The following BACE1 variants were observed in gnomAD, a reference collection of about 807,000 sequenced individuals.
BACE1 encodes the protein beta-secretase 1.
A neutral mutation model predicts 54.0 loss-of-function variants in BACE1; 21 were observed. The observed-to-expected ratio is 0.39, with a 90% CI of 0.28 to 0.56. BACE1 has a LOEUF of 0.56. Ranked by LOEUF, BACE1 falls within the 20% of genes least tolerant of loss-of-function variation. The probability of loss-of-function intolerance (pLI) is 0.63; values close to 1 mark genes in which losing one functional copy is unlikely to be tolerated. For missense variants in BACE1, 511 were observed against 661.2 expected, an observed-to-expected ratio of 0.77 and a Z score of 2.49; for synonymous variants, 232 against 260.9, an observed-to-expected ratio of 0.89 and a Z score of 1.07.
intron 2 of BACE1, chr11:117,295,561 T>A: frequency 1.3e-6 from 2 of 1,535,648 alleles, no homozygotes; most frequent in East Asian, 4.9e-5. Context: ...TGAGGCTTGC[T>A]CTCCTATCTA....
chr11:117,310,975 C>T (rs1048101695), intron 1 of BACE1, among the ~76,000 whole-genome samples: 3 of 142,050 alleles, frequency 2.1e-5, no homozygotes, highest in East Asian at 2.2e-4. Flanking sequence ...TGATAAAGAC[C>T]TTTTTTTTTT....
chr11:117,314,937 G>A (rs1199522651), intron 1 of BACE1, among the ~76,000 whole-genome samples: 1 of 152,160 alleles, frequency 6.6e-6, no homozygotes, highest in Non-Finnish European at 1.5e-5. Flanking sequence ...GACCGCGAGA[G>A]GGAGAAGGGG....
Position 117,293,550 on chromosome 11 carries a change from ATAAATAGACAAACTT to A in BACE1, c.705+306_705+320del. 2 of 273,298 alleles carry A rather than the reference ATAAATAGACAAACTT, an allele frequency of 7.3e-6. No homozygotes were observed. Among genetic ancestry groups the A allele is most frequent in the East Asian group, 1.5e-4 (2 of 13,748 alleles). The allele number at this position is 273,298 out of a possible 1,614,324, so 16.9% of individuals were successfully genotyped here. A position where few individuals can be genotyped will look rare whatever the true frequency, so the allele number is the denominator to read the frequency against. Reference sequence around the variant, plus strand: ...CATTCACCATTGTTCTAATTAATTAATAAATAGACAAACTTCTTATATCTCTGCCTTCTGACCATC... The same window carrying A: ...CATTCACCATTGTTCTAATTAATTAACTTATATCTCTGCCTTCTGACCATC... On this transcript the variant is annotated intron_variant, in intron 4 of 8. Coordinates refer to ENST00000313005, the MANE Select transcript of BACE1 (RefSeq NM_012104.6). This position sits in a 1 kb window ranked among gnomAD's most constrained non-coding sequence, Gnocchi z 4.1.
At chr11:117,314,962 G>A (rs1056596601) in intron 1 of BACE1, among the ~76,000 whole-genome samples, 2 of 152,136 alleles carry the variant, frequency 1.3e-5, no homozygotes, top group Non-Finnish European at 2.9e-5. Flanking sequence ...GGAGGGGACG[G>A]CAGGAGCCTG....
chr11:117,294,652 G>C (rs2034549986), intron 3 of BACE1, among the ~76,000 whole-genome samples: 2 of 151,846 alleles, frequency 1.3e-5, no homozygotes. Context: ...GGAAGGCCGA[G>C]GTGAGCGGAT....
In BACE1 at chr11:117,315,973, C is replaced by G; in HGVS notation, c.-178G>C. ...CCGGGTCCGGGCTGTGGAGAGCGGT[C>G]AGGGGAGATCCGCAGAGCACGGGAG... is the stretch of plus-strand genomic sequence containing the variant. On this transcript the variant is annotated 5_prime_UTR_variant, in exon 1 of 9. Coordinates refer to ENST00000313005, the MANE Select transcript of BACE1 (RefSeq NM_012104.6). The surrounding 1 kb of genome is among the most constrained non-coding windows in gnomAD (Gnocchi z 5.5). 1.8e-6 allele frequency: 1 copy of G among 567,430 alleles called. No individual in the cohort carries two copies. 35.1% of individuals were successfully genotyped at this position (567,430 alleles called of 1,614,324 possible).
rs182977577 is a variant in BACE1 at position 117,295,659 on chromosome 11, G to C, written c.351-312C>G. 1.2e-5 allele frequency: 19 copies of C among 1,524,954 alleles called. No individual in the cohort carries two copies. In the East Asian group the frequency reaches 4.4e-4, roughly 36 times the overall value. The allele number at this position is 1,524,954 out of a possible 1,614,324, so 94.5% of individuals were successfully genotyped here. A position where few individuals can be genotyped will look rare whatever the true frequency, so the allele number is the denominator to read the frequency against. Reference sequence around the variant, plus strand: ...TGTGCCTGCTGCTGCTGCTGCTGCAGGGACAGCTAGTGGGCATCTCTTCCG... The same window carrying C: ...TGTGCCTGCTGCTGCTGCTGCTGCACGGACAGCTAGTGGGCATCTCTTCCG... On this transcript the variant is annotated intron_variant, in intron 2 of 8. Transcript: ENST00000313005.
intron 1 of BACE1, among the ~76,000 whole-genome samples, chr11:117,300,334 G>A (rs139926452): frequency 2.2e-4 from 34 of 152,302 alleles, no homozygotes; most frequent in African/African-American, 7.9e-4. Flanking sequence ...ATGTCGACCC[G>A]TCTGCCCTCT....
At chr11:117,314,194 G>A (rs1167055579) in intron 1 of BACE1, among the ~76,000 whole-genome samples, 1 of 152,204 alleles carries the variant, frequency 6.6e-6, no homozygotes, top group African/African-American at 2.4e-5. Context: ...GCTCCCTGAC[G>A]ATATCATCTA....
intron 8 of BACE1, among the ~76,000 whole-genome samples, chr11:117,290,161 A>G (rs545854767): frequency 6.6e-6 from 1 of 152,342 alleles, no homozygotes; most frequent in East Asian, 1.9e-4. Flanking sequence ...TTTCTGAAGT[A>G]GCATTCAGCC....
At chr11:117,290,814 T>C (rs1165565619) in intron 7 of BACE1, 86 bp downstream of exon 7, 8 of 1,564,884 alleles carry the variant, frequency 5.1e-6, no homozygotes, top group Non-Finnish European at 6.9e-6. Context: ...CTGTTTTGTC[T>C]TCCAAGTTCT....
chr11:117,315,016 C>G lies in BACE1; in HGVS notation c.261+519G>C, dbSNP rs1360376160. Among the ~76,000 whole-genome samples the G allele has an allele frequency of 6.6e-6, 1 of 152,130 alleles. No individual in the cohort carries two copies. Among genetic ancestry groups the G allele is most frequent in the African/African-American group, 2.4e-5 (1 of 41,430 alleles). On this transcript the variant is annotated intron_variant, in intron 1 of 8. Transcript: ENST00000313005. This position sits in a 1 kb window ranked among gnomAD's most constrained non-coding sequence, Gnocchi z 5.5. The stretch of plus-strand genomic sequence containing the variant: ...AGTGCAGTCAGGGGGGCCTCGACAA[C>G]CTCACTTTGCCGTACCAGTGGCAGC...
chr11:117,291,834 T>G (rs755898660), intron 5 of BACE1, 21 bp from the exon 6 acceptor site: 2 of 1,578,264 alleles, frequency 1.3e-6, no homozygotes, highest in African/African-American at 1.4e-5. Flanking sequence ...AAAGAGAGAG[T>G]TAAAAGAGTC....
Position 117,294,813 on chromosome 11 carries a change from A to T in BACE1, c.567+318T>A, listed in dbSNP as rs558948163. ...GGCAGGAAAATCGCTTGAACCGAGG[A>T]GGTGGAGGTTGCAGTGAGCCAAGAT... On this transcript the variant is annotated intron_variant, in intron 3 of 8. Coordinates refer to ENST00000313005, the MANE Select transcript of BACE1 (RefSeq NM_012104.6). Among the ~76,000 whole-genome samples the T allele has an allele frequency of 5.3e-5, 8 of 151,702 alleles. No homozygotes were observed. In the East Asian group the frequency reaches 1.4e-3, roughly 26 times the overall value.
intron 1 of BACE1, among the ~76,000 whole-genome samples, chr11:117,312,317 GC>G (rs747794801): frequency 1.8e-4 from 27 of 152,148 alleles, no homozygotes; most frequent in Non-Finnish European, 3.4e-4. Context: ...GGTGCCATCT[GC>G]CCCCTGGGAA....
Position 117,287,031 on chromosome 11 carries a change from AT to A in BACE1, c.*2534del, listed in dbSNP as rs1199779995. 6.6e-6 allele frequency: 1 copy of A among 152,258 alleles called. No homozygotes were observed. Among genetic ancestry groups the A allele is most frequent in the African/African-American group, 2.4e-5 (1 of 41,458 alleles). The allele number at this position is 152,258 out of a possible 1,614,324, so 9.4% of individuals were successfully genotyped here. On this transcript the variant is annotated 3_prime_UTR_variant, in exon 9 of 9. Coordinates refer to ENST00000313005, the MANE Select transcript of BACE1 (RefSeq NM_012104.6). ...TTCAGTATCCCCTGCAAATTTAGAA[AT>A]TGAAAATGAGTGTAAAGCATATTGT...
intron 1 of BACE1, among the ~76,000 whole-genome samples, chr11:117,300,688 T>C (rs1056219421): frequency 1.1e-4 from 17 of 152,090 alleles, no homozygotes; most frequent in Non-Finnish European, 2.1e-4. Flanking sequence ...CGGCTGCCCC[T>C]TCCAGGCTCC....
At chr11:117,303,004 G>A (rs1049485053) in intron 1 of BACE1, among the ~76,000 whole-genome samples, 2 of 152,112 alleles carry the variant, frequency 1.3e-5, no homozygotes, top group Non-Finnish European at 2.9e-5. Context: ...AAGGTATCAC[G>A]GTGCCTAGCA....
intron 1 of BACE1, among the ~76,000 whole-genome samples, chr11:117,299,278 C>A (rs28989490): frequency 6.6e-6 from 1 of 152,328 alleles, no homozygotes; most frequent in African/African-American, 2.4e-5. Context: ...GACTTTCCAT[C>A]ACCTCAGGTT....
Sources: gnomAD v4.1 joint callset for allele counts (sites outside exome capture counted in the v4.1 genomes callset) on GRCh38, gnomAD v4.1.1 for gene constraint, Gnocchi (gnomAD v3.1) non-coding constraint, MANE v1.5 for transcripts, NCBI Gene and HGNC (gene_info 2026-07-23, HGNC 2026-07-21) for gene names.